Variants in PDE8B observed in about 807,000 individuals in gnomAD.
PDE8B encodes high affinity cAMP-specific and IBMX-insensitive 3',5'-cyclic phosphodiesterase 8B.
A neutral mutation model predicts 101.3 loss-of-function variants in PDE8B; 26 were observed. That is an observed-to-expected ratio of 0.26 (90% CI 0.19 to 0.36). The LOEUF is 0.36. Ranked by LOEUF, PDE8B falls within the 10% of genes least tolerant of loss-of-function variation. The probability of loss-of-function intolerance (pLI) is 1.00; values close to 1 mark genes in which losing one functional copy is unlikely to be tolerated. For missense variants in PDE8B, 810 were observed against 1,163.1 expected, an observed-to-expected ratio of 0.70 and a Z score of 4.42; for synonymous variants, 424 against 429.3, an observed-to-expected ratio of 0.99 and a Z score of 0.15.
intron 10 of PDE8B, among the ~76,000 whole-genome samples, chr5:77,362,460 G>T (rs1311536096): frequency 3.3e-5 from 5 of 152,118 alleles, no homozygotes; most frequent in African/African-American, 1.2e-4. Flanking sequence ...CTAAATTATG[G>T]CCTGGACCGT....
chr5:77,414,835 G>A (rs891516726), intron 17 of PDE8B, among the ~76,000 whole-genome samples: 1 of 150,732 alleles, frequency 6.6e-6, no homozygotes, highest in Non-Finnish European at 1.5e-5. Context: ...GTGATCAATA[G>A]CCTCTGCAGT....
chr5:77,224,074 G>T (rs755108273), intron 1 of PDE8B, among the ~76,000 whole-genome samples: 1 of 152,062 alleles, frequency 6.6e-6, no homozygotes, highest in African/African-American at 2.4e-5. Context: ...TTTCTCACTG[G>T]ACACTTGGGA....
intron 11 of PDE8B, among the ~76,000 whole-genome samples, chr5:77,401,057 T>G (rs1792160619): frequency 1.3e-5 from 2 of 152,208 alleles, no homozygotes; most frequent in Admixed American, 6.5e-5. Context: ...TGTCATTTGC[T>G]CTTTCTAAGC....
At chr5:77,374,918 CAGT>C (rs1785773782) in intron 10 of PDE8B, among the ~76,000 whole-genome samples, 1 of 152,162 alleles carries the variant, frequency 6.6e-6, no homozygotes, top group African/African-American at 2.4e-5. Flanking sequence ...TGTAGCAGGT[CAGT>C]AGGTGTCTTT....
the PDE8B span, among the ~76,000 whole-genome samples, chr5:77,125,960 G>A: frequency 1.3e-5 from 2 of 152,174 alleles, no homozygotes; most frequent in African/African-American, 4.8e-5. Context: ...TTTATGTTCT[G>A]TATATTTTAC....
chr5:77,393,542 TACA>T (rs1790399769), intron 10 of PDE8B, among the ~76,000 whole-genome samples: 2 of 152,146 alleles, frequency 1.3e-5, no homozygotes, highest in Admixed American at 6.5e-5. Flanking sequence ...ATAAAAAAAT[TACA>T]GGACCAATTT....
At chr5:77,192,676 T>C in the PDE8B span, among the ~76,000 whole-genome samples, 1 of 152,194 alleles carries the variant, frequency 6.6e-6, no homozygotes, top group Non-Finnish European at 1.5e-5. Flanking sequence ...TATGTTCTTA[T>C]TTCTCTTGGG....
chr5:77,172,345 T>C, the PDE8B span, among the ~76,000 whole-genome samples: 1 of 152,178 alleles, frequency 6.6e-6, no homozygotes, highest in African/African-American at 2.4e-5. Context: ...ACATAAAATA[T>C]GCAATTGGGA....
chr5:77,252,970 G>A (rs779475863), intron 1 of PDE8B, among the ~76,000 whole-genome samples: 3 of 152,122 alleles, frequency 2.0e-5, no homozygotes, highest in Non-Finnish European at 2.9e-5. Context: ...GTAGAGCAAA[G>A]CATTGTACTT....
intron 14 of PDE8B, chr5:77,410,578 A>T (rs1449579832): frequency 1.3e-5 from 2 of 152,202 alleles, no homozygotes; most frequent in Non-Finnish European, 2.9e-5. Flanking sequence ...CCAGTGAGTG[A>T]TTCCACCTCA....
chr5:77,310,013 G>C (rs552055621), intron 1 of PDE8B, among the ~76,000 whole-genome samples: 1 of 139,152 alleles, frequency 7.2e-6, no homozygotes, highest in African/African-American at 2.8e-5. Context: ...GCAATGGCAC[G>C]GTTTCGGCTT....
At chr5:77,358,935 A>G (rs973176672) in intron 10 of PDE8B, among the ~76,000 whole-genome samples, 11 of 152,194 alleles carry the variant, frequency 7.2e-5, no homozygotes, top group Admixed American at 3.3e-4. Flanking sequence ...AAATTATCCA[A>G]ATTTTTCCAT....
chr5:77,174,971 A>G, the PDE8B span, among the ~76,000 whole-genome samples: 8 of 152,106 alleles, frequency 5.3e-5, no homozygotes, highest in African/African-American at 1.9e-4. Flanking sequence ...TTTCCCACCC[A>G]TTCTCTTCCT....
At chr5:77,271,676 G>A (rs1264152889) in intron 1 of PDE8B, among the ~76,000 whole-genome samples, 3 of 152,150 alleles carry the variant, frequency 2.0e-5, no homozygotes, top group African/African-American at 7.2e-5. Context: ...AATAACAGAT[G>A]GAAGGAAGTG....
chr5:77,105,410 A>G, the PDE8B span: 10 of 152,172 alleles, frequency 6.6e-5, no homozygotes, highest in African/African-American at 2.4e-4. Flanking sequence ...GTGTTAGATG[A>G]TTTTGCCTCG....
chr5:77,347,505 CAAAT>C (rs1423591591), intron 7 of PDE8B, among the ~76,000 whole-genome samples: 5 of 152,118 alleles, frequency 3.3e-5, no homozygotes, highest in Non-Finnish European at 7.4e-5. Context: ...ATATGGCTAA[CAAAT>C]AAAGAAAATA....
chr5:77,188,849 C>T, the PDE8B span, among the ~76,000 whole-genome samples: 70 of 152,238 alleles, frequency 4.6e-4, no homozygotes, highest in Middle Eastern at 3.4e-3. Flanking sequence ...ATCTTGCTTC[C>T]GTACCAGTTC....
chr5:77,413,501 C>T (rs182663223), intron 17 of PDE8B, among the ~76,000 whole-genome samples, 192 bp downstream of exon 17: 3 of 152,280 alleles, frequency 2.0e-5, no homozygotes, highest in Admixed American at 2.0e-4. Flanking sequence ...GCCCTCCCCT[C>T]CTCCAAATAC....
intron 2 of PDE8B, among the ~76,000 whole-genome samples, chr5:77,318,055 CA>C (rs55952764): frequency 0.035 from 2,016 of 57,100 alleles, 17 homozygotes; most frequent in African/African-American, 0.1. Flanking sequence ...GACTCCATCT[CA>C]AAAAAAAAAA....
Sources: allele counts gnomAD v4.1 joint callset (sites outside exome capture counted in the v4.1 genomes callset), GRCh38; gene constraint gnomAD v4.1.1; transcripts MANE v1.5; gene names NCBI Gene and HGNC (gene_info 2026-07-23, HGNC 2026-07-21).